The following XRCC4 variants were observed in gnomAD, a reference collection of about 807,000 sequenced individuals.
XRCC4 encodes the protein X-ray repair cross complementing 4, also known as DNA repair protein XRCC4.
XRCC4 carries 28 observed loss-of-function variants against 39.1 expected under a neutral mutation model. The ratio of observed to expected loss-of-function variants is 0.72; its 90% CI spans 0.53 to 0.98. XRCC4 has a LOEUF of 0.98. Among genes scored for constraint, XRCC4 ranks in the 50% least tolerant of loss-of-function variants. The pLI is 0.00. For synonymous variants in XRCC4, 123 were observed against 126.4 expected (o/e 0.97, Z 0.18); for missense variants, 350 against 376.4 (o/e 0.93, Z 0.58).
intron 3 of XRCC4, among the ~76,000 whole-genome samples, chr5:83,171,797 C>T (rs1489124055): frequency 6.6e-6 from 1 of 152,128 alleles, no homozygotes; most frequent in Admixed American, 6.6e-5. Context: ...GATTGCATTT[C>T]AGTTTCTCCT....
chr5:83,295,018 A>C (rs1258063245), intron 7 of XRCC4, among the ~76,000 whole-genome samples: 1 of 152,076 alleles, frequency 6.6e-6, no homozygotes, highest in Non-Finnish European at 1.5e-5. Flanking sequence ...TATGTTAAGC[A>C]TTATATCTTA....
chr5:83,114,061 G>A (rs1045560886), intron 3 of XRCC4, among the ~76,000 whole-genome samples: 4 of 152,192 alleles, frequency 2.6e-5, no homozygotes, highest in African/African-American at 7.2e-5. Context: ...AGCAAGGCCC[G>A]ATCTGTACCT....
At chr5:83,093,843 T>G (rs955554299) in intron 1 of XRCC4, among the ~76,000 whole-genome samples, 2 of 152,156 alleles carry the variant, frequency 1.3e-5, no homozygotes, top group Admixed American at 1.3e-4. Flanking sequence ...ATTTCCTTCT[T>G]ATTTTTGAAA....
chr5:83,194,181 T>G (rs755696351), intron 3 of XRCC4, among the ~76,000 whole-genome samples: 3 of 152,206 alleles, frequency 2.0e-5, no homozygotes, highest in African/African-American at 4.8e-5. Flanking sequence ...TGACCTCAGA[T>G]GAACTCCACC....
At chr5:83,151,299 G>A (rs918522920) in intron 3 of XRCC4, among the ~76,000 whole-genome samples, 2 of 152,034 alleles carry the variant, frequency 1.3e-5, no homozygotes, top group African/African-American at 2.4e-5. Flanking sequence ...CACAACTAGA[G>A]GAAATAAGAT....
At chr5:83,081,368 T>C (rs1278109778) in intron 1 of XRCC4, among the ~76,000 whole-genome samples, 1 of 152,186 alleles carries the variant, frequency 6.6e-6, no homozygotes, top group Non-Finnish European at 1.5e-5. Context: ...TAACCTCAGG[T>C]AGAGGTTTTT....
chr5:83,247,589 A>G (rs1448503274), intron 6 of XRCC4, among the ~76,000 whole-genome samples: 2 of 152,204 alleles, frequency 1.3e-5, no homozygotes, highest in African/African-American at 4.8e-5. Context: ...CTGATATGTC[A>G]TCCACAGAAG....
chr5:83,331,007 C>T (rs1756421571), intron 7 of XRCC4, among the ~76,000 whole-genome samples: 1 of 152,004 alleles, frequency 6.6e-6, no homozygotes, highest in Non-Finnish European at 1.5e-5. Flanking sequence ...AAAACCATCC[C>T]TACCTACCTC....
chr5:83,352,678 A>T (rs577739398), intron 7 of XRCC4, among the ~76,000 whole-genome samples: 1 of 152,242 alleles, frequency 6.6e-6, no homozygotes, highest in African/African-American at 2.4e-5. Flanking sequence ...ACACATGATC[A>T]TCAGACCCAC....
intron 6 of XRCC4, among the ~76,000 whole-genome samples, chr5:83,209,010 A>G (rs1009140483): frequency 6.6e-6 from 1 of 151,236 alleles, no homozygotes; most frequent in African/African-American, 2.4e-5. Context: ...TTTCACCCCT[A>G]TCTAGTTGGT....
At chr5:83,233,838 G>T (rs1366465372) in intron 6 of XRCC4, among the ~76,000 whole-genome samples, 2 of 148,732 alleles carry the variant, frequency 1.3e-5, no homozygotes, top group African/African-American at 5.0e-5. Context: ...GGAGGTGGAG[G>T]TTGCAATAAG....
chr5:83,345,900 T>A (rs1756903763), intron 7 of XRCC4, among the ~76,000 whole-genome samples: 1 of 152,184 alleles, frequency 6.6e-6, no homozygotes, highest in East Asian at 1.9e-4. Flanking sequence ...TGATCTATAA[T>A]GTTCATAGTT....
intron 7 of XRCC4, among the ~76,000 whole-genome samples, chr5:83,343,176 T>C (rs1217637509): frequency 1.3e-5 from 2 of 151,976 alleles, no homozygotes; most frequent in African/African-American, 4.8e-5. Flanking sequence ...CCTTGCCCCA[T>C]ATCTGAGCTT....
chr5:83,093,039 A>ACACG (rs1745503462), intron 1 of XRCC4, among the ~76,000 whole-genome samples: 1 of 151,604 alleles, frequency 6.6e-6, no homozygotes, highest in Admixed American at 6.6e-5. Flanking sequence ...ACACACACAC[A>ACACG]CACAAGACCT....
intron 7 of XRCC4, among the ~76,000 whole-genome samples, chr5:83,296,894 TAAGTG>T (rs1213436206): frequency 1.3e-5 from 2 of 151,732 alleles, no homozygotes; most frequent in African/African-American, 4.8e-5. Flanking sequence ...TAGAAAAAAA[TAAGTG>T]AAGAAGCAGT....
At chr5:83,204,945 C>CTTA in intron 6 of XRCC4, 24 bp downstream of exon 6, 3 of 1,497,776 alleles carry the variant, frequency 2.0e-6, no homozygotes, top group Non-Finnish European at 2.8e-6. Context: ...ACATTTATCT[C>CTTA]CTCTGTTGAA....
At chr5:83,242,501 C>T (rs1479191417) in intron 6 of XRCC4, among the ~76,000 whole-genome samples, 1 of 151,870 alleles carries the variant, frequency 6.6e-6, no homozygotes. Context: ...GCTGGAAAGT[C>T]GTGGTGTGAT....
At chr5:83,268,223 C>G (rs1346764527) in intron 7 of XRCC4, among the ~76,000 whole-genome samples, 2 of 152,146 alleles carry the variant, frequency 1.3e-5, no homozygotes, top group African/African-American at 4.8e-5. Context: ...TTGCTATCCT[C>G]TTACTACCAG....
the XRCC4 span, among the ~76,000 whole-genome samples, chr5:83,367,654 A>C: frequency 6.6e-6 from 1 of 152,170 alleles, no homozygotes; most frequent in Admixed American, 6.6e-5. Flanking sequence ...CTGTCACTTA[A>C]ATAAGTCCTT....
Sources: gnomAD v4.1 joint callset for allele counts (sites outside exome capture counted in the v4.1 genomes callset) on GRCh38, gnomAD v4.1.1 for gene constraint, MANE v1.5 for transcripts, NCBI Gene and HGNC (gene_info 2026-07-23, HGNC 2026-07-21) for gene names.